The following CHCHD3 variants were observed in gnomAD, a reference collection of about 807,000 sequenced individuals.
CHCHD3 encodes the protein coiled-coil-helix-coiled-coil-helix domain containing 3.
A neutral mutation model predicts 38.2 loss-of-function variants in CHCHD3; 20 were observed. The ratio of observed to expected loss-of-function variants is 0.52; its 90% CI spans 0.37 to 0.76. The LOEUF (loss-of-function observed/expected upper bound fraction) is 0.76, where lower values mean the gene tolerates loss of function less well. Among genes scored for constraint, CHCHD3 ranks in the 30% least tolerant of loss-of-function variants. The pLI is 0.00. For missense variants in CHCHD3, 245 were observed against 279.2 expected (o/e 0.88, Z 0.87); for synonymous variants, 82 against 100.0 (o/e 0.82, Z 1.07).
intron 2 of CHCHD3, among the ~76,000 whole-genome samples, chr7:133,049,386 G>A (rs1814085427): frequency 6.6e-6 from 1 of 152,206 alleles, no homozygotes; most frequent in Admixed American, 6.5e-5. Context: ...TCAAGATGAT[G>A]CACATATTTT....
intron 3 of CHCHD3, among the ~76,000 whole-genome samples, chr7:132,990,982 A>ACAC (rs60733079): frequency 2.0e-5 from 3 of 150,434 alleles, no homozygotes; most frequent in East Asian, 1.9e-4. Context: ...ACACACACAC[A>ACAC]ACCTAACTCA....
intron 4 of CHCHD3, among the ~76,000 whole-genome samples, chr7:132,916,191 TA>T (rs1810101122): frequency 6.6e-6 from 1 of 152,194 alleles, no homozygotes; most frequent in South Asian, 2.1e-4. Flanking sequence ...CTACTAATTT[TA>T]AATCCATTAT....
At chr7:133,058,474 A>G (rs1387970460) in intron 2 of CHCHD3, among the ~76,000 whole-genome samples, 11 of 152,192 alleles carry the variant, frequency 7.2e-5, no homozygotes, top group Admixed American at 6.5e-4. Context: ...ATTTGTTTAA[A>G]TGATTATAAG....
chr7:132,805,335 T>G (rs879845538), intron 6 of CHCHD3, among the ~76,000 whole-genome samples: 4 of 147,130 alleles, frequency 2.7e-5, no homozygotes, highest in Non-Finnish European at 4.5e-5. Flanking sequence ...GAAGGGGTAG[T>G]CTGGGGGGGT....
intron 1 of CHCHD3, among the ~76,000 whole-genome samples, chr7:133,071,888 C>G (rs946429714): frequency 2.6e-5 from 4 of 152,064 alleles, no homozygotes; most frequent in African/African-American, 9.7e-5. Flanking sequence ...ATGAAACACC[C>G]AGAAAAAGCA....
rs190587774 is a variant in CHCHD3 at position 132,907,259 on chromosome 7, C to A, written c.370-21514G>T. On this transcript the variant is annotated intron_variant, in intron 4 of 7. Transcript: ENST00000262570. ...CACAATCCTAAAGCTCCCATTTACACACAGAGCTATAAAACTACCAAGAAT... is the reference window on the plus strand; with the variant it reads ...CACAATCCTAAAGCTCCCATTTACAAACAGAGCTATAAAACTACCAAGAAT... Among the ~76,000 whole-genome samples the A allele has an allele frequency of 3.3e-5, 5 of 152,280 alleles. No individual in the cohort carries two copies. In the East Asian group the frequency reaches 9.7e-4, roughly 29 times the overall value.
rs755509774 is a variant in CHCHD3, at chr7:133,035,438, G to A, written c.170-10811C>T. 6 of 1,613,528 alleles carry A rather than the reference G, an allele frequency of 3.7e-6. No individual in the cohort carries two copies. Among genetic ancestry groups the A allele is most frequent in the Non-Finnish European group, 5.1e-6 (6 of 1,179,500 alleles). ...ACAACAGGGTGCAGACAACTGTGAT[G>A]TCAGCCAATGTCACTCGTTCGCCCA... On this transcript the variant is annotated intron_variant, in intron 2 of 7. Transcript: ENST00000262570. This position sits in a 1 kb window ranked among gnomAD's most constrained non-coding sequence, Gnocchi z 4.7.
chr7:132,827,125 A>C (rs570430299), intron 6 of CHCHD3, among the ~76,000 whole-genome samples: 5 of 152,204 alleles, frequency 3.3e-5, no homozygotes, highest in East Asian at 1.9e-4. Flanking sequence ...TAAATTGAAG[A>C]AGCATTTTAT....
intron 4 of CHCHD3, among the ~76,000 whole-genome samples, chr7:132,918,806 A>G (rs568215663): frequency 6.6e-6 from 1 of 152,216 alleles, no homozygotes; most frequent in African/African-American, 2.4e-5. Flanking sequence ...GCTACAGCTG[A>G]CATGGCACTT....
At chr7:132,959,442 G>A (rs1811256856) in intron 4 of CHCHD3, among the ~76,000 whole-genome samples, 1 of 152,184 alleles carries the variant, frequency 6.6e-6, no homozygotes, top group Non-Finnish European at 1.5e-5. Flanking sequence ...CATGGATGGG[G>A]CTGGGCATGG....
intron 1 of CHCHD3, among the ~76,000 whole-genome samples, chr7:133,081,476 A>C (rs1453212393): frequency 6.6e-6 from 1 of 152,192 alleles, no homozygotes; most frequent in African/African-American, 2.4e-5. Context: ...CAGGGTGTGC[A>C]CAGTGGAAAA....
At chr7:132,864,220 G>T (rs1334216601) in intron 5 of CHCHD3, among the ~76,000 whole-genome samples, 2 of 152,136 alleles carry the variant, frequency 1.3e-5, no homozygotes, top group Non-Finnish European at 2.9e-5. Flanking sequence ...ACACTCAGAG[G>T]TCATTGTAGG....
chr7:133,070,557 T>C (rs1814790113), intron 1 of CHCHD3, among the ~76,000 whole-genome samples: 2 of 152,126 alleles, frequency 1.3e-5, no homozygotes, highest in Non-Finnish European at 2.9e-5. Flanking sequence ...CCCCTAATCC[T>C]ACACACTTAT....
intron 3 of CHCHD3, among the ~76,000 whole-genome samples, chr7:133,007,167 G>C (rs943082609): frequency 6.6e-6 from 1 of 152,126 alleles, no homozygotes; most frequent in Non-Finnish European, 1.5e-5. Flanking sequence ...GATCTATATT[G>C]ATAGGTACTA....
chr7:132,953,263 A>ACAG (rs1326757987), intron 4 of CHCHD3, among the ~76,000 whole-genome samples: 1 of 152,146 alleles, frequency 6.6e-6, no homozygotes, highest in Non-Finnish European at 1.5e-5. Flanking sequence ...GAAGACTCTG[A>ACAG]AGGTGCCAGC....
At chr7:132,832,334 T>C (rs1402475248) in intron 6 of CHCHD3, among the ~76,000 whole-genome samples, 1 of 152,202 alleles carries the variant, frequency 6.6e-6, no homozygotes, top group African/African-American at 2.4e-5. Flanking sequence ...CCCTCTAAAA[T>C]CTGGCACACA....
intron 2 of CHCHD3, among the ~76,000 whole-genome samples, chr7:133,025,307 A>T (rs929264944): frequency 6.6e-6 from 1 of 152,188 alleles, no homozygotes; most frequent in Non-Finnish European, 1.5e-5. Flanking sequence ...TATGTTTTGT[A>T]AAGTTTCTTA....
intron 3 of CHCHD3, among the ~76,000 whole-genome samples, chr7:132,987,335 C>T (rs1245691473): frequency 6.6e-6 from 1 of 152,140 alleles, no homozygotes; most frequent in Non-Finnish European, 1.5e-5. Flanking sequence ...TCATCAAGCC[C>T]AAAACAACAA....
chr7:133,009,126 G>GGC (rs1160225694), intron 3 of CHCHD3, among the ~76,000 whole-genome samples: 5 of 151,950 alleles, frequency 3.3e-5, no homozygotes, highest in African/African-American at 1.2e-4. Context: ...CACTTTGGGA[G>GGC]GCCAAGGCAG....
Sources: allele counts gnomAD v4.1 joint callset (sites outside exome capture counted in the v4.1 genomes callset), GRCh38; gene constraint gnomAD v4.1.1; non-coding constraint Gnocchi (gnomAD v3.1); transcripts MANE v1.5; gene names NCBI Gene and HGNC (gene_info 2026-07-23, HGNC 2026-07-21).